Variants in GALNT7 observed in about 807,000 individuals in gnomAD.
The protein encoded by GALNT7 is N-acetylgalactosaminyltransferase 7.
A neutral mutation model predicts 82.1 loss-of-function variants in GALNT7; 60 were observed. That is an observed-to-expected ratio of 0.73 (90% CI 0.59 to 0.91). The LOEUF (loss-of-function observed/expected upper bound fraction) is 0.91. Among genes scored for constraint, GALNT7 ranks in the 40% least tolerant of loss-of-function variants. The pLI, the probability that GALNT7 is intolerant of heterozygous loss-of-function variation, is 0.00. For synonymous variants in GALNT7, 243 were observed against 275.1 expected, an observed-to-expected ratio of 0.88 and a Z score of 1.15; for missense variants, 660 against 804.2, an observed-to-expected ratio of 0.82 and a Z score of 2.17.
At chr4:173,208,024 T>G (rs369117931) in intron 1 of GALNT7, among the ~76,000 whole-genome samples, 1 of 152,208 alleles carries the variant, frequency 6.6e-6, no homozygotes, top group South Asian at 2.1e-4. Context: ...TGTTTTTTCC[T>G]GTTTTTTACC....
intron 1 of GALNT7, among the ~76,000 whole-genome samples, chr4:173,214,034 A>C (rs1733363122): frequency 6.6e-6 from 1 of 152,138 alleles, no homozygotes; most frequent in Admixed American, 6.5e-5. Context: ...ATTTCACTTT[A>C]TAAAGTTAAT....
At chr4:173,227,525 G>A (rs759549840) in intron 1 of GALNT7, among the ~76,000 whole-genome samples, 6 of 152,106 alleles carry the variant, frequency 3.9e-5, no homozygotes, top group Non-Finnish European at 8.8e-5. Context: ...TAGAGACGGG[G>A]TTTCACCGTG....
At chr4:173,314,852 C>T (rs191811327) in intron 9 of GALNT7, among the ~76,000 whole-genome samples, 35 of 152,296 alleles carry the variant, frequency 2.3e-4, no homozygotes, top group Admixed American at 1.2e-3. Flanking sequence ...CTGCCATGAA[C>T]GTTCAAGTCT....
At chr4:173,182,925 T>TACAAACACAC (rs1732301872) in intron 1 of GALNT7, among the ~76,000 whole-genome samples, 1 of 134,198 alleles carries the variant, frequency 7.5e-6, no homozygotes, top group African/African-American at 2.9e-5. Flanking sequence ...TTACTCATAA[T>TACAAACACAC]ACACACACAC....
At chr4:173,208,327 A>G (rs1219231584) in intron 1 of GALNT7, among the ~76,000 whole-genome samples, 2 of 152,154 alleles carry the variant, frequency 1.3e-5, no homozygotes, top group African/African-American at 4.8e-5. Flanking sequence ...GCACTTCTTG[A>G]TAGAAAAGAT....
At chr4:173,287,405 G>A (rs1291066058) in intron 2 of GALNT7, among the ~76,000 whole-genome samples, 1 of 152,248 alleles carries the variant, frequency 6.6e-6, no homozygotes, top group African/African-American at 2.4e-5. Context: ...GTGAAGTTGG[G>A]GCTTGCCCCG....
chr4:173,203,950 T>A (rs1225689119), intron 1 of GALNT7, among the ~76,000 whole-genome samples: 1 of 152,254 alleles, frequency 6.6e-6, no homozygotes, highest in Non-Finnish European at 1.5e-5. Flanking sequence ...TATGTTTTCA[T>A]ATTACTAATT....
intron 1 of GALNT7, among the ~76,000 whole-genome samples, chr4:173,194,512 G>C (rs1328207340): frequency 6.6e-6 from 1 of 152,154 alleles, no homozygotes; most frequent in Admixed American, 6.5e-5. Flanking sequence ...ATAAAGGAGA[G>C]ATGAAGTTTA....
In GALNT7 at chr4:173,168,855, T is replaced by C. The variant is rs1731729593; in HGVS notation, c.20T>C (p.Phe7Ser). 1.9e-6 allele frequency: 3 copies of C among 1,613,398 alleles called. No homozygotes were observed. In the East Asian group the frequency reaches 6.7e-5, roughly 36 times the overall value. Residue 7 changes from phenylalanine (F) to serine (S), a missense_variant, in exon 1 of 12, where the codon TTC becomes TCC. By Grantham distance (155) the Phe-to-Ser change is radical. Around this residue, in one of 2 missense-constraint regions of GALNT7, gnomAD observed 133 missense variants for 120.7 expected, o/e 1.10. Coordinates refer to ENST00000265000, the MANE Select transcript of GALNT7 (RefSeq NM_017423.3). The part of the protein sequence containing the change: MRLKIG[F>S]ILRSLLVVGS... ...AGGAAGATGAGGCTGAAGATTGGGT[T>C]CATCTTACGCAGTTTGCTGGTGGTG... is the stretch of plus-strand genomic sequence containing the variant.
At chr4:173,254,612 T>C (rs928686546) in intron 2 of GALNT7, among the ~76,000 whole-genome samples, 2 of 152,230 alleles carry the variant, frequency 1.3e-5, no homozygotes, top group Admixed American at 6.5e-5. Context: ...ATCATGTATA[T>C]GCAGAGGTAT....
chr4:173,281,981 A>C (rs2126809197), intron 2 of GALNT7, among the ~76,000 whole-genome samples: 1 of 152,330 alleles, frequency 6.6e-6, no homozygotes, highest in African/African-American at 2.4e-5. Flanking sequence ...GAGCATGGAC[A>C]CAAGGGTGGG....
intron 11 of GALNT7, among the ~76,000 whole-genome samples, chr4:173,319,974 TG>T (rs1737745363): frequency 6.6e-6 from 1 of 152,148 alleles, no homozygotes; most frequent in African/African-American, 2.4e-5. Context: ...AGCAAAGATG[TG>T]GCATGAAAAC....
intron 1 of GALNT7, among the ~76,000 whole-genome samples, chr4:173,240,212 A>G (rs182410049): frequency 7.9e-5 from 12 of 152,282 alleles, no homozygotes; most frequent in Admixed American, 5.9e-4. Context: ...TTGAAGAGCA[A>G]TTTTCCTAAA....
chr4:173,210,034 G>C, intron 1 of GALNT7, among the ~76,000 whole-genome samples: 1 of 151,930 alleles, frequency 6.6e-6, no homozygotes, highest in Non-Finnish European at 1.5e-5. Context: ...TCAGGAAGCC[G>C]AGGCAGGAGA....
At chr4:173,187,987 CTTCTT>C (rs1732509174) in intron 1 of GALNT7, among the ~76,000 whole-genome samples, 2 of 150,570 alleles carry the variant, frequency 1.3e-5, no homozygotes, top group African/African-American at 5.0e-5. Flanking sequence ...TGATAGGGCT[CTTCTT>C]TTCTATGTCT....
Position 173,248,171 on chromosome 4 carries a change from TATC to T in GALNT7, c.321_323del (p.Ile107del), listed in dbSNP as rs1158745594. On this transcript the variant is annotated inframe_deletion, in exon 2 of 12. Transcript: ENST00000265000. ...ATGCTGGAGGAGATTCCCAGAAAGA[TATC>T]ATGCAGAGGCAGTATCTCACATTTA... The T allele has an allele frequency of 2.5e-6, 4 of 1,613,874 alleles. No individual in the cohort carries two copies. Among genetic ancestry groups the T allele is most frequent in the Non-Finnish European group, 2.5e-6 (3 of 1,179,866 alleles).
chr4:173,309,466 AG>A (rs1358163933), intron 8 of GALNT7, among the ~76,000 whole-genome samples: 2 of 152,216 alleles, frequency 1.3e-5, no homozygotes, highest in Non-Finnish European at 2.9e-5. Flanking sequence ...AGTGACACTT[AG>A]GGGTGGCATT....
chr4:173,291,411 A>T (rs1736526523), intron 2 of GALNT7, among the ~76,000 whole-genome samples: 1 of 152,158 alleles, frequency 6.6e-6, no homozygotes, highest in Non-Finnish European at 1.5e-5. Flanking sequence ...ACTTTGGGTT[A>T]CACTGCAAAG....
In GALNT7 at chr4:173,323,078, C is replaced by G. The variant is rs527573091; in HGVS notation, c.*1361C>G. ...AATGGTCAATTCGATTTTAATTTCT[C>G]AAAAGATACTCTGTTATCCAGAAGA... On this transcript the variant is annotated 3_prime_UTR_variant, in exon 12 of 12. Coordinates refer to ENST00000265000, the MANE Select transcript of GALNT7 (RefSeq NM_017423.3). 16 of 147,634 alleles carry G rather than the reference C, an allele frequency of 1.1e-4. No individual in the cohort carries two copies. Among genetic ancestry groups the G allele is most frequent in the African/African-American group, 4.0e-4 (16 of 39,552 alleles). 9.1% of individuals were successfully genotyped at this position (147,634 alleles called of 1,614,324 possible).
Sources: gnomAD v4.1 joint callset for allele counts (sites outside exome capture counted in the v4.1 genomes callset) on GRCh38, gnomAD v4.1.1 for gene constraint, gnomAD v4.1.1 regional missense constraint, MANE v1.5 for transcripts, NCBI Gene and HGNC (gene_info 2026-07-23, HGNC 2026-07-21) for gene names.